Variants in CACNA1E observed in about 807,000 individuals in gnomAD.
The protein encoded by CACNA1E is voltage-dependent R-type calcium channel subunit alpha-1E.
A neutral mutation model predicts 259.2 loss-of-function variants in CACNA1E; 40 were observed. That is an observed-to-expected ratio of 0.15 (90% CI 0.12 to 0.20). CACNA1E has a LOEUF of 0.20. CACNA1E is among the 10% of genes least tolerant of loss of function. The probability of loss-of-function intolerance (pLI) is 1.00; values close to 1 mark genes in which losing one functional copy is unlikely to be tolerated. For synonymous variants in CACNA1E, 1,104 were observed against 1,138.5 expected (o/e 0.97, Z 0.61); for missense variants, 1,874 against 3,040.1 (o/e 0.62, Z 9.02).
At chr1:181,771,512 G>A (rs1572855802) in intron 36 of CACNA1E, 128 bp downstream of exon 36, 1 of 645,110 alleles carries the variant, frequency 1.6e-6, no homozygotes, top group Non-Finnish European at 2.8e-6. Context: ...GTAGAAAGGG[G>A]AACAGGCAAT....
At chr1:181,622,766 A>G (rs189732130) in intron 6 of CACNA1E, among the ~76,000 whole-genome samples, 94 of 151,962 alleles carry the variant, frequency 6.2e-4, no homozygotes, top group African/African-American at 1.8e-3. Context: ...TCCACATTTC[A>G]TTGTCCTGTT....
chr1:181,580,874 C>A, intron 6 of CACNA1E, 98 bp downstream of exon 6: 1 of 1,033,238 alleles, frequency 9.7e-7, no homozygotes, highest in Non-Finnish European at 1.5e-6. Context: ...ACAGGGAGGG[C>A]TATGGATATA....
intron 3 of CACNA1E, among the ~76,000 whole-genome samples, chr1:181,540,227 G>A (rs1668478492): frequency 1.3e-5 from 2 of 152,042 alleles, no homozygotes; most frequent in African/African-American, 4.8e-5. Context: ...AGAGGGCTTC[G>A]AGTAGGTGCC....
chr1:181,622,718 C>A (rs1245784880), intron 6 of CACNA1E, among the ~76,000 whole-genome samples: 1 of 152,154 alleles, frequency 6.6e-6, no homozygotes, highest in African/African-American at 2.4e-5. Flanking sequence ...TGGTGGGAGA[C>A]ACAATTCCGA....
At chr1:181,383,147 C>A (rs911827464) in intron 1 of CACNA1E, among the ~76,000 whole-genome samples, 1 of 152,222 alleles carries the variant, frequency 6.6e-6, no homozygotes, top group Non-Finnish European at 1.5e-5. Flanking sequence ...TTCCTTTGAA[C>A]TTCCCCATTG....
chr1:181,695,393 A>G (rs1651596557), intron 7 of CACNA1E, among the ~76,000 whole-genome samples: 1 of 152,214 alleles, frequency 6.6e-6, no homozygotes, highest in Admixed American at 6.5e-5. Context: ...CTTGATATGG[A>G]AAGGCAAAGG....
chr1:181,602,166 A>G (rs189440417), intron 6 of CACNA1E, among the ~76,000 whole-genome samples: 18 of 152,318 alleles, frequency 1.2e-4, no homozygotes, highest in African/African-American at 4.3e-4. Context: ...ACCACAGTAT[A>G]TACTTTGCCT....
chr1:181,632,459 G>A (rs1656839386), intron 6 of CACNA1E, among the ~76,000 whole-genome samples: 1 of 152,194 alleles, frequency 6.6e-6, no homozygotes, highest in South Asian at 2.1e-4. Context: ...GGCCCCCAAG[G>A]AGCTTATGCC....
intron 1 of CACNA1E, among the ~76,000 whole-genome samples, chr1:181,373,464 T>G (rs1654844920): frequency 6.6e-6 from 1 of 151,980 alleles, no homozygotes; most frequent in African/African-American, 2.4e-5. Context: ...TGTATTGCTG[T>G]GGGGTTGATG....
intron 25 of CACNA1E, 33 bp downstream of exon 25, chr1:181,739,286 C>A: frequency 7.4e-7 from 1 of 1,342,796 alleles, no homozygotes; most frequent in Non-Finnish European, 1.1e-6. Context: ...GATTCCCTTC[C>A]TTCCCCTCTT....
At chr1:181,511,970 A>G (rs913389871) in intron 3 of CACNA1E, among the ~76,000 whole-genome samples, 1 of 152,234 alleles carries the variant, frequency 6.6e-6, no homozygotes, top group Non-Finnish European at 1.5e-5. Context: ...TGAACTGATC[A>G]TTGAGACTTG....
chr1:181,743,392 C>A (rs371632670), intron 25 of CACNA1E, among the ~76,000 whole-genome samples: 1 of 152,230 alleles, frequency 6.6e-6, no homozygotes, highest in African/African-American at 2.4e-5. Context: ...CTGTTGCCAT[C>A]GCTGCTGCTT....
At position 181,732,785 on chromosome 1, in the gene CACNA1E, G is replaced by C; in HGVS notation, c.2699G>C (p.Gly900Ala). The C allele has an allele frequency of 6.3e-7, 1 of 1,594,214 alleles. No homozygotes were observed. The highest frequency in any genetic ancestry group is 8.5e-7 in the Non-Finnish European group (1 of 1,169,776). Reference protein sequence around the residue: ...GNCDPTQQEAGGGEAVVTFED... With the variant: ...GNCDPTQQEAAGGEAVVTFED... Reference sequence around the variant, plus strand: ...TGTGACCCGACTCAGCAGGAGGCAGGGGGAGGAGAGGCTGTGGTGACCTTT... The same window carrying C: ...TGTGACCCGACTCAGCAGGAGGCAGCGGGAGGAGAGGCTGTGGTGACCTTT... The change falls in exon 20 of 48, where the codon GGG (glycine) becomes GCG (alanine). Residue 900 changes from glycine to alanine, a missense_variant. Gly to Ala is a moderately conservative substitution (Grantham distance 60). Transcript: ENST00000367573. This position sits in a 1 kb window ranked among gnomAD's most constrained non-coding sequence, Gnocchi z 5.5.
At chr1:181,746,174 GACA>G (rs1233273058) in intron 25 of CACNA1E, among the ~76,000 whole-genome samples, 1 of 152,200 alleles carries the variant, frequency 6.6e-6, no homozygotes, top group Non-Finnish European at 1.5e-5. Context: ...GCTAAGCAGT[GACA>G]ACGTCAAAGT....
chr1:181,652,873 T>C (rs972239442), intron 7 of CACNA1E, among the ~76,000 whole-genome samples: 1 of 152,076 alleles, frequency 6.6e-6, no homozygotes, highest in African/African-American at 2.4e-5. Flanking sequence ...GTTGATATGT[T>C]GTACTGAAAA....
intron 7 of CACNA1E, among the ~76,000 whole-genome samples, chr1:181,687,239 T>C (rs547170016): frequency 1.8e-4 from 28 of 152,326 alleles, no homozygotes; most frequent in Non-Finnish European, 3.2e-4. Context: ...ACCAAAAGTC[T>C]TCTATTGGGA....
At chr1:181,350,781 C>T (rs1038796336) in intron 1 of CACNA1E, among the ~76,000 whole-genome samples, 2 of 152,078 alleles carry the variant, frequency 1.3e-5, no homozygotes, top group African/African-American at 4.8e-5. Flanking sequence ...CCAATTTTTT[C>T]CCACCTACAA....
intron 1 of CACNA1E, among the ~76,000 whole-genome samples, chr1:181,368,259 A>T (rs912278753): frequency 1.3e-5 from 2 of 148,492 alleles, no homozygotes; most frequent in Admixed American, 6.8e-5. Flanking sequence ...AAAATGTGTC[A>T]TTTAGACAGA....
chr1:181,656,981 CACA>C (rs1292644466), intron 7 of CACNA1E, among the ~76,000 whole-genome samples: 4 of 152,152 alleles, frequency 2.6e-5, no homozygotes, highest in Admixed American at 6.6e-5. Flanking sequence ...CTGGTGTTCA[CACA>C]ACAACAACAT....
Sources: gnomAD v4.1 joint callset for allele counts (sites outside exome capture counted in the v4.1 genomes callset) on GRCh38, gnomAD v4.1.1 for gene constraint, Gnocchi (gnomAD v3.1) non-coding constraint, MANE v1.5 for transcripts, NCBI Gene and HGNC (gene_info 2026-07-23, HGNC 2026-07-21) for gene names.